Variants in RARB observed in about 807,000 individuals in gnomAD.
RARB encodes the protein HBV-activated protein.
In RARB, 17 loss-of-function variants were observed where a neutral mutation model predicts 51.9. That is an observed-to-expected ratio of 0.33 (90% confidence interval 0.22 to 0.49). The LOEUF is 0.49. Ranked by LOEUF, RARB falls within the 20% of genes least tolerant of loss-of-function variation. The pLI is 0.99. For missense variants in RARB, 369 were observed against 550.8 expected (o/e 0.67, Z 3.30); for synonymous variants, 215 against 195.4 (o/e 1.10, Z -0.84).
intron 5 of RARB, among the ~76,000 whole-genome samples, chr3:25,398,349 C>T (rs1707174097): frequency 6.6e-6 from 1 of 152,134 alleles, no homozygotes; most frequent in Non-Finnish European, 1.5e-5. Context: ...AGTTACACTA[C>T]TATACCAAGG....
rs189109037 is a variant in RARB at position 25,298,673 on chromosome 3, A to G, written c.178+124098A>G. Among the ~76,000 whole-genome samples the G allele has an allele frequency of 3.0e-3, 459 of 152,264 alleles. 2 individuals carry two copies. Among genetic ancestry groups the G allele is most frequent in the African/African-American group, 0.011 (446 of 41,544 alleles). ...CTGTCTTGTACTTGGGTGTCTCAGGAGGTCAGATGCTTGGGGCCTACTGAT... is the reference window on the plus strand; with the variant it reads ...CTGTCTTGTACTTGGGTGTCTCAGGGGGTCAGATGCTTGGGGCCTACTGAT... On this transcript the variant is annotated intron_variant, in intron 5 of 11. Transcript: ENST00000383772.
chr3:25,166,442 A>AGGGAG (rs139586873), intron 4 of RARB, among the ~76,000 whole-genome samples: 12,866 of 152,206 alleles, frequency 0.085, 710 homozygotes, highest in Non-Finnish European at 0.13. Flanking sequence ...TCTCTTAAAT[A>AGGGAG]GGGAGGCTTG....
intron 5 of RARB, among the ~76,000 whole-genome samples, chr3:25,249,243 A>T (rs1365291929): frequency 1.3e-5 from 2 of 151,960 alleles, no homozygotes. Flanking sequence ...TGTATTTTGT[A>T]TGGCATTTGG....
chr3:25,051,453 A>G (rs968056536), intron 2 of RARB, among the ~76,000 whole-genome samples: 3 of 152,200 alleles, frequency 2.0e-5, no homozygotes, highest in East Asian at 1.9e-4. Flanking sequence ...ATCCAGCCTC[A>G]TTGAATCCTA....
chr3:25,420,585 A>G (rs1438580992), intron 5 of RARB, among the ~76,000 whole-genome samples: 1 of 152,218 alleles, frequency 6.6e-6, no homozygotes, highest in African/African-American at 2.4e-5. Context: ...TTCTAGAGAA[A>G]GATACATGCA....
At chr3:24,838,814 G>T (rs951509864) in intron 1 of RARB, among the ~76,000 whole-genome samples, 5 of 152,034 alleles carry the variant, frequency 3.3e-5, no homozygotes, top group African/African-American at 1.2e-4. Flanking sequence ...CCCTAACTTA[G>T]CTCCAGGCAC....
At chr3:25,167,312 CAGG>C (rs1007718436) in intron 4 of RARB, among the ~76,000 whole-genome samples, 29 of 152,216 alleles carry the variant, frequency 1.9e-4, no homozygotes, top group African/African-American at 7.0e-4. Context: ...ACTAAAATGA[CAGG>C]AGATGTAAAA....
intron 2 of RARB, among the ~76,000 whole-genome samples, chr3:25,461,750 C>A (rs1010101537): frequency 3.9e-5 from 6 of 152,064 alleles, no homozygotes; most frequent in African/African-American, 1.4e-4. Context: ...AAAAATTAGC[C>A]AGGCGTGAGT....
intron 2 of RARB, among the ~76,000 whole-genome samples, chr3:25,028,929 T>TA: frequency 6.6e-6 from 1 of 152,302 alleles, no homozygotes; most frequent in African/African-American, 2.4e-5. Flanking sequence ...ACCCCACCCC[T>TA]ACTCTTTTTC....
intron 4 of RARB, among the ~76,000 whole-genome samples, chr3:25,157,394 T>A (rs1306769963): frequency 7.3e-6 from 1 of 137,582 alleles, no homozygotes; most frequent in Non-Finnish European, 1.6e-5. Flanking sequence ...ATATATGGTT[T>A]TTTTTGTTGT....
intron 2 of RARB, among the ~76,000 whole-genome samples, chr3:24,956,899 A>G (rs1208473585): frequency 6.6e-6 from 1 of 152,194 alleles, no homozygotes; most frequent in Non-Finnish European, 1.5e-5. Flanking sequence ...GACCAGAGAG[A>G]AGGAGGAATT....
At chr3:25,567,959 A>G (rs955331744) in intron 3 of RARB, among the ~76,000 whole-genome samples, 1 of 151,696 alleles carries the variant, frequency 6.6e-6, no homozygotes, top group African/African-American at 2.4e-5. Flanking sequence ...TTTCCCCCTC[A>G]TTGTGTCTCC....
At chr3:25,383,647 G>T (rs558881639) in intron 5 of RARB, among the ~76,000 whole-genome samples, 2 of 152,150 alleles carry the variant, frequency 1.3e-5, no homozygotes, top group East Asian at 3.9e-4. Context: ...TTTTTAATTG[G>T]CTGGGCACGG....
At chr3:24,865,021 C>T (rs930586532) in intron 2 of RARB, among the ~76,000 whole-genome samples, 3 of 152,124 alleles carry the variant, frequency 2.0e-5, no homozygotes, top group Admixed American at 6.5e-5. Context: ...TCGTCTCCAT[C>T]GAATGTATTC....
rs150316222 is a variant in RARB, at chr3:25,364,264, T to C, written c.179-96929T>C. Among the ~76,000 whole-genome samples the C allele has an allele frequency of 1.1e-3, 171 of 152,296 alleles. 1 individual carries two copies. Among genetic ancestry groups the C allele is most frequent in the African/African-American group, 4.1e-3 (170 of 41,584 alleles). ...ACAGTATCTGGCACAGAGCAAGTAC[T>C]CAATGAATATTTGTGAATAAGTAAG... On this transcript the variant is annotated intron_variant, in intron 5 of 11. Coordinates refer to the RARB transcript ENST00000383772.
chr3:25,111,584 T>TG (rs35079520), intron 3 of RARB, among the ~76,000 whole-genome samples: 3 of 8,728 alleles, frequency 3.4e-4, no homozygotes, highest in Non-Finnish European at 1.2e-3. Context: ...CTAACAGTGG[T>TG]TTTTTTTTTT....
At chr3:25,117,095 T>C (rs977547412) in intron 3 of RARB, among the ~76,000 whole-genome samples, 1 of 152,164 alleles carries the variant, frequency 6.6e-6, no homozygotes, top group Non-Finnish European at 1.5e-5. Context: ...ACCAGTGTTT[T>C]TTGAATGCTT....
chr3:25,191,683 C>A (rs1559498999), intron 5 of RARB, among the ~76,000 whole-genome samples: 1 of 152,102 alleles, frequency 6.6e-6, no homozygotes, highest in Non-Finnish European at 1.5e-5. Context: ...TTAACTCAGT[C>A]TCTTCCATCT....
At chr3:25,364,189 G>A (rs1236986082) in intron 5 of RARB, among the ~76,000 whole-genome samples, 1 of 151,952 alleles carries the variant, frequency 6.6e-6, no homozygotes, top group Non-Finnish European at 1.5e-5. Flanking sequence ...AATTCCAAAA[G>A]GGCAGGATCC....
Sources: allele counts gnomAD v4.1 joint callset (sites outside exome capture counted in the v4.1 genomes callset), GRCh38; gene constraint gnomAD v4.1.1; transcripts MANE v1.5; gene names NCBI Gene and HGNC (gene_info 2026-07-23, HGNC 2026-07-21).